Variants in STAG3 observed in about 807,000 individuals in gnomAD.
STAG3 encodes the protein STAG3 cohesin complex component.
In STAG3, 101 loss-of-function variants were observed where a neutral mutation model predicts 160.7. That is an observed-to-expected ratio of 0.63 (90% CI 0.54 to 0.74). The LOEUF (loss-of-function observed/expected upper bound fraction) is 0.74, where lower values mean the gene tolerates loss of function less well. Ranked by LOEUF, STAG3 falls within the 30% of genes least tolerant of loss-of-function variation. The pLI is 0.00. For synonymous variants in STAG3, 519 were observed against 585.0 expected (o/e 0.89, Z 1.63); for missense variants, 1,188 against 1,517.4 (o/e 0.78, Z 3.61).
chr7:100,208,521 ATAAG>A (rs917760207), intron 29 of STAG3, among the ~76,000 whole-genome samples: 2 of 152,236 alleles, frequency 1.3e-5, no homozygotes, highest in Admixed American at 6.5e-5. Context: ...AGCTTAAAAA[ATAAG>A]TAAGATTTTT....
downstream of STAG3, among the ~76,000 whole-genome samples, chr7:100,215,390 TGA>T (rs1220966980): frequency 6.6e-6 from 1 of 152,140 alleles, no homozygotes; most frequent in Non-Finnish European, 1.5e-5. Context: ...GAAATTGGGT[TGA>T]GTCTCCTTTT....
At chr7:100,213,664 C>G in intron 32 of STAG3, 71 bp from the exon 33 acceptor site, 1 of 1,610,876 alleles carries the variant, frequency 6.2e-7, no homozygotes, top group Non-Finnish European at 8.5e-7. Context: ...GGGAAAGGAA[C>G]TGGTTTTTTT....
Position 100,201,866 on chromosome 7 carries a change from G to A in STAG3, c.2301G>A (p.Gln767=). The A allele has an allele frequency of 6.2e-7, 1 of 1,614,132 alleles. No homozygotes were observed. The change falls in exon 22 of 34, where the codon CAG becomes CAA. Residue 767 remains glutamine, a splice_region_variant and synonymous_variant. Coordinates refer to ENST00000615138, the MANE Select transcript of STAG3 (RefSeq NM_001282717.2). ...ACATTTCTAAATCAGATGCTTCCCA[G>A]GTGAGTGTGGGTCTTAGATGGGATA... is the stretch of plus-strand genomic sequence containing the variant. ...LTHISKSDAS[Q]KQLSSLRDRM...
At chr7:100,196,534 G>A (rs1434975477) in intron 9 of STAG3, among the ~76,000 whole-genome samples, 2 of 152,176 alleles carry the variant, frequency 1.3e-5, no homozygotes, top group Non-Finnish European at 2.9e-5. Flanking sequence ...GCTCACACCT[G>A]TAACCCCAGC....
chr7:100,211,851 A>T lies in STAG3; in HGVS notation c.3575A>T (p.Asn1192Ile), dbSNP rs1316592470. Residue 1192 changes from asparagine (N) to isoleucine (I), a missense_variant, in exon 32 of 34, where the codon AAT (asparagine) becomes ATT (isoleucine). Physicochemically the swap from Asn to Ile is moderately radical, Grantham distance 149 (BLOSUM62 -3). Coordinates refer to ENST00000615138, the MANE Select transcript of STAG3 (RefSeq NM_001282717.2). ...GAGTTAGAAATCCAGGATGAGTCAA[A>T]TGAAGAACGGCAGGATACAGACATG... is the stretch of plus-strand genomic sequence containing the variant. ...EEELEIQDES[N>I]EERQDTDMQA... 6.2e-7 allele frequency: 1 copy of T among 1,614,140 alleles called. No homozygotes were observed. The highest frequency in any genetic ancestry group is 1.3e-5 in the African/African-American group (1 of 75,036).
At chr7:100,212,084 C>A (rs935767461) in intron 32 of STAG3, 17 of 506,274 alleles carry the variant, frequency 3.4e-5, no homozygotes, top group African/African-American at 2.3e-4. Flanking sequence ...ATTACAAATA[C>A]CAAAGAAGGT....
chr7:100,192,719 T>A (rs1800416056), intron 8 of STAG3, among the ~76,000 whole-genome samples: 1 of 152,196 alleles, frequency 6.6e-6, no homozygotes, highest in Admixed American at 6.5e-5. Context: ...TCCTTCCAAG[T>A]ATCTGGTACT....
intron 26 of STAG3, 115 bp from the exon 27 acceptor site, chr7:100,204,512 T>C: frequency 7.8e-7 from 1 of 1,290,016 alleles, no homozygotes; most frequent in South Asian, 1.5e-5. Context: ...AGAGTAAAAG[T>C]AGTAGATGGT....
At chr7:100,193,939 CTTT>C (rs57044186) in intron 8 of STAG3, among the ~76,000 whole-genome samples, 2 of 121,976 alleles carry the variant, frequency 1.6e-5, no homozygotes, top group South Asian at 2.6e-4. Flanking sequence ...TTAATCATTT[CTTT>C]TTTTTTTTTT....
intron 12 of STAG3, 32 bp downstream of exon 12, chr7:100,198,198 T>C: frequency 6.2e-7 from 1 of 1,603,654 alleles, no homozygotes; most frequent in Non-Finnish European, 8.5e-7. Flanking sequence ...GGCCAGTGTC[T>C]CAGACCTTTG....
At chr7:100,218,867 C>G, downstream of STAG3, 1 of 214,530 alleles carries the variant, frequency 4.7e-6, no homozygotes, top group Non-Finnish European at 9.4e-6. Flanking sequence ...CTCATCAGCG[C>G]AGATTCACCG....
chr7:100,204,821 G>A (rs1350179639), intron 27 of STAG3, 46 bp downstream of exon 27: 3 of 1,609,226 alleles, frequency 1.9e-6, no homozygotes, highest in South Asian at 2.2e-5. Context: ...GGCTGGGAAC[G>A]AGGTCTTGGA....
At position 100,211,778 on chromosome 7, in the gene STAG3, C is replaced by T; in HGVS notation, c.3519-17C>T. 1 of 1,613,364 alleles carries T rather than the reference C, an allele frequency of 6.2e-7. No homozygotes were observed. The highest frequency in any genetic ancestry group is 8.5e-7 in the Non-Finnish European group (1 of 1,179,626). ...AAAGAACAGTTTGAAAAGCCAGTCTCTTTGCCCCTACATCAGACTCAGCCT... is the reference window on the plus strand; with the variant it reads ...AAAGAACAGTTTGAAAAGCCAGTCTTTTTGCCCCTACATCAGACTCAGCCT... On this transcript the variant is annotated splice_polypyrimidine_tract_variant and intron_variant, in intron 31 of 33. Transcript: ENST00000615138.
At chr7:100,179,887 C>T (rs1275281893) in intron 1 of STAG3, among the ~76,000 whole-genome samples, 1 of 152,178 alleles carries the variant, frequency 6.6e-6, no homozygotes, top group Non-Finnish European at 1.5e-5. Context: ...AGGCATATGC[C>T]ACCACACCCG....
rs372110074 is a variant in STAG3, at chr7:100,201,970, G to A, written c.2323G>A (p.Asp775Asn). Residue 775 changes from aspartate to asparagine, a missense_variant, in exon 23 of 34, where the codon GAC becomes AAC. Around this residue, in one of 4 missense-constraint regions of STAG3, gnomAD observed 647 missense variants for 717.2 expected, o/e 0.90. Transcript: ENST00000615138. ...ACAGAAGCAGCTGTCGAGTTTGAGG[G>A]ACAGAATGGTGGCCTTCTGTGAACT... ...ASQKQLSSLR[D>N]RMVAFCELCQ... 1 of 1,614,032 alleles carries A rather than the reference G, an allele frequency of 6.2e-7. No homozygotes were observed. Among genetic ancestry groups the A allele is most frequent in the Non-Finnish European group, 8.5e-7 (1 of 1,180,028 alleles).
At chr7:100,215,751 A>C (rs1259667819), downstream of STAG3, among the ~76,000 whole-genome samples, 4 of 152,136 alleles carry the variant, frequency 2.6e-5, no homozygotes, top group Non-Finnish European at 4.4e-5. Flanking sequence ...CATGCTCTCT[A>C]AAGCCTTTGA....
downstream of STAG3, among the ~76,000 whole-genome samples, chr7:100,216,654 AG>A (rs2117641408): frequency 6.6e-6 from 1 of 151,972 alleles, no homozygotes; most frequent in South Asian, 2.1e-4. Flanking sequence ...CAACAAAATT[AG>A]CTGGGTGTGG....
downstream of STAG3, chr7:100,218,874 A>T: frequency 4.7e-6 from 1 of 213,752 alleles, no homozygotes; most frequent in Non-Finnish European, 9.4e-6. Flanking sequence ...GCGCAGATTC[A>T]CCGATTCACC....
intron 13 of STAG3, 41 bp from the exon 14 acceptor site, chr7:100,198,802 T>A: frequency 6.4e-7 from 1 of 1,563,266 alleles, no homozygotes; most frequent in South Asian, 1.1e-5. Context: ...CCTCCTTGTT[T>A]CCTGTTGTGC....
Sources: gnomAD v4.1 joint callset for allele counts (sites outside exome capture counted in the v4.1 genomes callset) on GRCh38, gnomAD v4.1.1 for gene constraint, gnomAD v4.1.1 regional missense constraint, MANE v1.5 for transcripts, NCBI Gene and HGNC (gene_info 2026-07-23, HGNC 2026-07-21) for gene names.